The following CCND1 variants were observed in gnomAD, a reference collection of about 807,000 sequenced individuals.
CCND1 encodes cyclin D1.
A neutral mutation model predicts 26.1 loss-of-function variants in CCND1; 9 were observed. That is an observed-to-expected ratio of 0.35 (90% CI 0.21 to 0.60). CCND1 has a LOEUF of 0.60. CCND1 is among the 20% of genes least tolerant of loss of function. The pLI, the probability that CCND1 is intolerant of heterozygous loss-of-function variation, is 0.79. For synonymous variants in CCND1, 194 were observed against 166.1 expected, an observed-to-expected ratio of 1.17 and a Z score of -1.29; for missense variants, 335 against 392.9, an observed-to-expected ratio of 0.85 and a Z score of 1.25.
At chr11:69,646,802 T>C (rs1855788332) in intron 3 of CCND1, among the ~76,000 whole-genome samples, 1 of 152,028 alleles carries the variant, frequency 6.6e-6, no homozygotes, top group African/African-American at 2.4e-5. Flanking sequence ...AGGACGTAAT[T>C]GGTGGCAGGG....
At chr11:69,649,124 T>C (rs1855823338) in intron 4 of CCND1, among the ~76,000 whole-genome samples, 1 of 152,192 alleles carries the variant, frequency 6.6e-6, no homozygotes. Context: ...TGAGGTGTCC[T>C]CACCCGCTGT....
At chr11:69,650,911 G>C (rs1855845627) in intron 4 of CCND1, among the ~76,000 whole-genome samples, 1 of 152,156 alleles carries the variant, frequency 6.6e-6, no homozygotes, top group African/African-American at 2.4e-5. Context: ...GGAGGTGGAG[G>C]CATTTGGTCC....
At chr11:69,650,639 G>T (rs1456151293) in intron 4 of CCND1, among the ~76,000 whole-genome samples, 1 of 152,186 alleles carries the variant, frequency 6.6e-6, no homozygotes, top group East Asian at 1.9e-4. Flanking sequence ...AGTCATGCAC[G>T]GCCCAAGGCT....
At chr11:69,649,601 C>A (rs1855829718) in intron 4 of CCND1, among the ~76,000 whole-genome samples, 1 of 152,238 alleles carries the variant, frequency 6.6e-6, no homozygotes, top group Non-Finnish European at 1.5e-5. Flanking sequence ...CGCAGTGCCA[C>A]ACACCAGTGA....
chr11:69,642,411 C>T (rs202204634), intron 1 of CCND1, among the ~76,000 whole-genome samples: 4 of 151,324 alleles, frequency 2.6e-5, no homozygotes, highest in Admixed American at 1.3e-4. Flanking sequence ...GAGAGGGAAA[C>T]GCCGCCCGCG....
At chr11:69,647,514 C>T (rs765665093) in intron 3 of CCND1, among the ~76,000 whole-genome samples, 13 of 152,332 alleles carry the variant, frequency 8.5e-5, no homozygotes, top group Admixed American at 3.9e-4. Context: ...TTCAGCCATG[C>T]GATGTCCCTT....
intron 1 of CCND1, among the ~76,000 whole-genome samples, chr11:69,642,511 G>C (rs1855720309): frequency 6.6e-6 from 1 of 152,184 alleles, no homozygotes; most frequent in South Asian, 2.1e-4. Context: ...CTGGGTAAAG[G>C]GTCGCCCGAG....
chr11:69,648,609 G>A (rs1341684585), intron 4 of CCND1, among the ~76,000 whole-genome samples: 1 of 152,280 alleles, frequency 6.6e-6, no homozygotes, highest in Non-Finnish European at 1.5e-5. Context: ...TTGAGAGGCT[G>A]CTGCTGTTAA....
intron 3 of CCND1, among the ~76,000 whole-genome samples, chr11:69,645,341 C>T (rs1165591543): frequency 1.3e-5 from 2 of 152,190 alleles, no homozygotes; most frequent in African/African-American, 4.8e-5. Context: ...TGCACAGCCT[C>T]CCTACAGGGT....
chr11:69,654,288 G>A lies in CCND1; in HGVS notation c.*3006G>A, dbSNP rs1565074772. The A allele has an allele frequency of 2.8e-6, 2 of 702,612 alleles. No homozygotes were observed. The highest frequency in any genetic ancestry group is 2.6e-6 in the Non-Finnish European group (1 of 385,006). 43.5% of individuals were successfully genotyped at this position (702,612 alleles called of 1,614,324 possible). A position where few individuals can be genotyped will look rare whatever the true frequency, so the allele number is the denominator to read the frequency against. On this transcript the variant is annotated 3_prime_UTR_variant, in exon 5 of 5. Transcript: ENST00000227507. The surrounding 1 kb of genome is among the most constrained non-coding windows in gnomAD (Gnocchi z 6.3). ...TCGAGAGGCCAAAGGCTGGTGGCAA[G>A]TGCACGGGGCACAGCGGAGTCTGTC... is the stretch of plus-strand genomic sequence containing the variant.
chr11:69,643,811 C>A (rs367960158), intron 2 of CCND1, 21 bp from the exon 3 acceptor site: 1 of 1,591,154 alleles, frequency 6.3e-7, no homozygotes, highest in Admixed American at 1.7e-5. Context: ...CCCCTGATGG[C>A]CGCTCACCCT....
chr11:69,645,939 A>G (rs1855772784), intron 3 of CCND1, among the ~76,000 whole-genome samples: 1 of 152,174 alleles, frequency 6.6e-6, no homozygotes, highest in Non-Finnish European at 1.5e-5. Flanking sequence ...TCCAGTGCCA[A>G]GGAGCTTCCG....
At chr11:69,641,987 C>A (rs1171101310) in intron 1 of CCND1, among the ~76,000 whole-genome samples, 2 of 128,168 alleles carry the variant, frequency 1.6e-5, no homozygotes, top group Non-Finnish European at 3.2e-5. Flanking sequence ...TCTTTTATTG[C>A]AAAGCAAAAG....
intron 3 of CCND1, chr11:69,644,329 C>T (rs1483667788): frequency 3.1e-6 from 1 of 324,488 alleles, no homozygotes; most frequent in South Asian, 3.8e-5. Flanking sequence ...GGCCACAGGG[C>T]CGCCTCCTTT....
chr11:69,652,350 G>A lies in CCND1; in HGVS notation c.*1068G>A, dbSNP rs975179817. The A allele has an allele frequency of 8.6e-6, 2 of 233,546 alleles. No individual in the cohort carries two copies. The highest frequency in any genetic ancestry group is 8.5e-6 in the Non-Finnish European group (1 of 118,080). 14.5% of individuals were successfully genotyped at this position (233,546 alleles called of 1,614,324 possible). A position where few individuals can be genotyped will look rare whatever the true frequency, so the allele number is the denominator to read the frequency against. On this transcript the variant is annotated 3_prime_UTR_variant, in exon 5 of 5. Coordinates refer to ENST00000227507, the MANE Select transcript of CCND1 (RefSeq NM_053056.3). ...AGCGCTGTTTTTGTTGTGTGTGCAG[G>A]GAGGGCAGTTTTCTAATGGAATGGT...
Position 69,654,093 on chromosome 11 carries a change from C to T in CCND1, c.*2811C>T. 4.6e-6 allele frequency: 3 copies of T among 648,650 alleles called. No individual in the cohort carries two copies. The highest frequency in any genetic ancestry group is 8.4e-6 in the Non-Finnish European group (3 of 356,770). The allele number at this position is 648,650 out of a possible 1,614,324, so 40.2% of individuals were successfully genotyped here. A position where few individuals can be genotyped will look rare whatever the true frequency, so the allele number is the denominator to read the frequency against. The stretch of plus-strand genomic sequence containing the variant: ...CCTGCCCTGGCAGGGTCATCCTGTG[C>T]TCGGAGGCCATCTCGGGCACAGGCC... On this transcript the variant is annotated 3_prime_UTR_variant, in exon 5 of 5. Coordinates refer to ENST00000227507, the MANE Select transcript of CCND1 (RefSeq NM_053056.3). This position sits in a 1 kb window ranked among gnomAD's most constrained non-coding sequence, Gnocchi z 6.3.
rs749899296 is a variant in CCND1, at chr11:69,651,239, A to T, written c.845A>T (p.Asp282Val). 1.3e-6 allele frequency: 2 copies of T among 1,594,146 alleles called. No homozygotes were observed. Among genetic ancestry groups the T allele is most frequent in the Non-Finnish European group, 1.7e-6 (2 of 1,168,650 alleles). ...GAGGAAGAGGAGGAGGAGGAGGTGG[A>T]CCTGGCTTGCACACCCACCGACGTG... Reference protein sequence around the residue: ...EEEEEEEEEVDLACTPTDVRD... With the variant: ...EEEEEEEEEVVLACTPTDVRD... The change falls in exon 5 of 5, where the codon GAC becomes GTC. Residue 282 changes from aspartate (D) to valine (V), a missense_variant. Physicochemically the swap from Asp to Val is radical, Grantham distance 152. Transcript: ENST00000227507.
intron 3 of CCND1, among the ~76,000 whole-genome samples, chr11:69,644,867 G>A (rs1855758816): frequency 6.6e-6 from 1 of 152,200 alleles, no homozygotes; most frequent in African/African-American, 2.4e-5. Flanking sequence ...CTTTGGTCAA[G>A]CCTCAGTTGT....
intron 3 of CCND1, 40 bp downstream of exon 3, chr11:69,644,031 C>T (rs1195138876): frequency 6.2e-7 from 1 of 1,607,786 alleles, no homozygotes; most frequent in Non-Finnish European, 8.5e-7. Flanking sequence ...CCCTTGAGAG[C>T]CGGCTCCTTA....
Sources: gnomAD v4.1 joint callset for allele counts (sites outside exome capture counted in the v4.1 genomes callset) on GRCh38, gnomAD v4.1.1 for gene constraint, Gnocchi (gnomAD v3.1) non-coding constraint, MANE v1.5 for transcripts, NCBI Gene and HGNC (gene_info 2026-07-23, HGNC 2026-07-21) for gene names.